The following PGAP1 variants were observed in gnomAD, a reference collection of about 807,000 sequenced individuals.
The protein encoded by PGAP1 is post-GPI attachment to proteins inositol deacylase 1, also known as GPI inositol-deacylase.
In PGAP1, 76 loss-of-function variants were observed where a neutral mutation model predicts 127.0. That is an observed-to-expected ratio of 0.60 (90% confidence interval 0.50 to 0.72). PGAP1 has a LOEUF of 0.72. PGAP1 is among the 30% of genes least tolerant of loss of function. PGAP1 has a pLI of 0.00. For synonymous variants in PGAP1, 362 were observed against 366.5 expected (o/e 0.99, Z 0.14); for missense variants, 982 against 1,071.3 (o/e 0.92, Z 1.16).
chr2:196,921,217 A>G (rs954718459), intron 1 of PGAP1, among the ~76,000 whole-genome samples: 3 of 148,600 alleles, frequency 2.0e-5, no homozygotes, highest in Non-Finnish European at 4.4e-5. Flanking sequence ...CACACACAAA[A>G]CAACAAAATT....
At chr2:196,851,527 T>C (rs764516579) in intron 20 of PGAP1, among the ~76,000 whole-genome samples, 1 of 152,340 alleles carries the variant, frequency 6.6e-6, no homozygotes, top group African/African-American at 2.4e-5. Flanking sequence ...CCTGTTCCAA[T>C]ACCCTATTCC....
chr2:196,923,680 T>C (rs74386909), intron 1 of PGAP1, among the ~76,000 whole-genome samples: 7 of 151,574 alleles, frequency 4.6e-5, no homozygotes, highest in Non-Finnish European at 8.8e-5. Context: ...TTTTTTTTTT[T>C]GAGACAGAGT....
At position 196,843,919 on chromosome 2, in the gene PGAP1, G is replaced by A. The variant is rs772702385; in HGVS notation, c.2494C>T (p.Pro832Ser). ...TTCTTTAGCCAATAAATTAGAGAAG[G>A]CATGCTGAGTAATACAATCCATGTT... is the stretch of plus-strand genomic sequence containing the variant. ...LLTWIVLLSM[P>S]SLIYWLKNLR... is the part of the protein sequence containing the mutation. The change falls in exon 25 of 27, where the codon CCT becomes TCT. Residue 832 changes from proline to serine, a missense_variant. By Grantham distance (74) the Pro-to-Ser change is moderately conservative. Coordinates refer to ENST00000354764, the MANE Select transcript of PGAP1 (RefSeq NM_024989.4). 7 of 1,538,190 alleles carry A rather than the reference G, an allele frequency of 4.6e-6. No individual in the cohort carries two copies. Among genetic ancestry groups the A allele is most frequent in the Non-Finnish European group, 6.2e-6 (7 of 1,135,014 alleles).
Position 196,844,515 on chromosome 2 carries a change from A to T in PGAP1, c.2337+9T>A. The T allele has an allele frequency of 6.3e-7, 1 of 1,582,718 alleles. No homozygotes were observed. On this transcript the variant is annotated intron_variant, in intron 24 of 26. Coordinates refer to ENST00000354764, the MANE Select transcript of PGAP1 (RefSeq NM_024989.4). ...TAAATTTATGTAGAGTTTTGAAAAT[A>T]AAACTTACCACAGGCTGGCTATTCT...
At chr2:196,915,228 A>C (rs555257088) in intron 3 of PGAP1, among the ~76,000 whole-genome samples, 39 of 152,164 alleles carry the variant, frequency 2.6e-4, no homozygotes, top group Admixed American at 5.2e-4. Context: ...CTCATTTCTT[A>C]AAACTTAGGT....
intron 25 of PGAP1, among the ~76,000 whole-genome samples, chr2:196,843,377 C>T (rs2125775620): frequency 6.6e-6 from 1 of 152,124 alleles, no homozygotes; most frequent in South Asian, 2.1e-4. Flanking sequence ...AATCTAGCAA[C>T]CTTTGATTTA....
At position 196,897,148 on chromosome 2, in the gene PGAP1, C is replaced by A. The variant is rs1702306818; in HGVS notation, c.910G>T (p.Asp304Tyr). Residue 304 changes from aspartate (D) to tyrosine (Y), a missense_variant, in exon 7 of 27, where the codon GAT becomes TAT. Asp to Tyr is a radical substitution (Grantham distance 160, BLOSUM62 -3). Coordinates refer to ENST00000354764, the MANE Select transcript of PGAP1 (RefSeq NM_024989.4). ...TTVRAFFDLI[D>Y]ADTKQITQNS... ...ATACATACTTGTTTAGTATCAGCAT[C>A]AATAAGATCAAAGAATGCTCGAACT... is the stretch of plus-strand genomic sequence containing the variant. 1 of 1,573,604 alleles carries A rather than the reference C, an allele frequency of 6.4e-7. No homozygotes were observed. The highest frequency in any genetic ancestry group is 8.7e-7 in the Non-Finnish European group (1 of 1,153,266).
chr2:196,926,422 G>A, intron 1 of PGAP1, 48 bp downstream of exon 1: 6 of 1,609,712 alleles, frequency 3.7e-6, no homozygotes, highest in Non-Finnish European at 4.2e-6. Flanking sequence ...AAAGGCACCA[G>A]GGGCCAGAGT....
At chr2:196,847,260 T>C in intron 21 of PGAP1, 60 bp from the exon 22 acceptor site, 2 of 1,283,538 alleles carry the variant, frequency 1.6e-6, no homozygotes, top group Non-Finnish European at 2.2e-6. Flanking sequence ...AAGGACTTAA[T>C]ATTTGAGGTG....
chr2:196,904,469 G>A (rs770507693), intron 4 of PGAP1, among the ~76,000 whole-genome samples: 11 of 152,176 alleles, frequency 7.2e-5, no homozygotes, highest in Non-Finnish European at 1.3e-4. Context: ...TGGGCGCAGT[G>A]GCTCCCTCCT....
intron 3 of PGAP1, among the ~76,000 whole-genome samples, chr2:196,914,813 C>CTTT (rs772109065): frequency 1.4e-5 from 2 of 138,160 alleles, no homozygotes; most frequent in Non-Finnish European, 1.6e-5. Context: ...ATTCTTAATT[C>CTTT]TTTTTTTTTT....
chr2:196,848,202 A>T (rs1335175812), intron 20 of PGAP1, among the ~76,000 whole-genome samples, 165 bp from the exon 21 acceptor site: 3 of 152,008 alleles, frequency 2.0e-5, no homozygotes, highest in Non-Finnish European at 4.4e-5. Flanking sequence ...CTGTAATTCA[A>T]TGGTTCTTAT....
At position 196,835,847 on chromosome 2, in the gene PGAP1, T is replaced by C. The variant is rs1480526143; in HGVS notation, c.*5387A>G. 6 of 152,234 alleles carry C rather than the reference T, an allele frequency of 3.9e-5. No homozygotes were observed. The highest frequency in any genetic ancestry group is 3.9e-4 in the Admixed American group (6 of 15,252). 9.4% of individuals were successfully genotyped at this position (152,234 alleles called of 1,614,324 possible). On this transcript the variant is annotated 3_prime_UTR_variant, in exon 27 of 27. Transcript: ENST00000354764. ...TAAAAAAGGGATGTAAAAAGTCCAA[T>C]ATGAAACAGAACGAGTGCAACACGA...
intron 5 of PGAP1, among the ~76,000 whole-genome samples, chr2:196,899,570 T>G (rs535646128): frequency 6.6e-6 from 1 of 152,376 alleles, no homozygotes; most frequent in African/African-American, 2.4e-5. Flanking sequence ...TGGTTTACTT[T>G]CATTCAGTTT....
At chr2:196,889,638 C>T (rs369195174) in intron 10 of PGAP1, among the ~76,000 whole-genome samples, 7 of 151,692 alleles carry the variant, frequency 4.6e-5, no homozygotes, top group African/African-American at 4.8e-5. Context: ...GGGCGGATCA[C>T]GAGGTCAGGA....
chr2:196,863,521 G>A (rs563547711), intron 20 of PGAP1, among the ~76,000 whole-genome samples: 4 of 152,310 alleles, frequency 2.6e-5, no homozygotes, highest in African/African-American at 9.6e-5. Context: ...TTGAAAAGTT[G>A]ATCTCATGGA....
chr2:196,862,024 G>A (rs538517788), intron 20 of PGAP1, among the ~76,000 whole-genome samples: 28 of 151,576 alleles, frequency 1.8e-4, no homozygotes, highest in African/African-American at 6.8e-4. Context: ...TGGGCACCTT[G>A]AAAAAAGAAC....
In PGAP1 at chr2:196,840,936, T is replaced by C. The variant is rs1700394074; in HGVS notation, c.*298A>G. ...TAAATCTCTCATATCAGACTTCTCG[T>C]ACAGTTGATAAAACAGACTATTTTA... is the stretch of plus-strand genomic sequence containing the variant. On this transcript the variant is annotated 3_prime_UTR_variant, in exon 27 of 27. Coordinates refer to ENST00000354764, the MANE Select transcript of PGAP1 (RefSeq NM_024989.4). The C allele has an allele frequency of 4.3e-6, 1 of 234,362 alleles. No individual in the cohort carries two copies. Among genetic ancestry groups the C allele is most frequent in the African/African-American group, 2.2e-5 (1 of 44,578 alleles). 14.5% of individuals were successfully genotyped at this position (234,362 alleles called of 1,614,324 possible). A position where few individuals can be genotyped will look rare whatever the true frequency, so the allele number is the denominator to read the frequency against.
intron 12 of PGAP1, among the ~76,000 whole-genome samples, chr2:196,883,226 T>C (rs1478682383): frequency 1.3e-5 from 2 of 152,188 alleles, no homozygotes; most frequent in African/African-American, 2.4e-5. Context: ...GTTCTAACAA[T>C]ATGTTTGCAC....
Sources: gnomAD v4.1 joint callset for allele counts (sites outside exome capture counted in the v4.1 genomes callset) on GRCh38, gnomAD v4.1.1 for gene constraint, MANE v1.5 for transcripts, NCBI Gene and HGNC (gene_info 2026-07-23, HGNC 2026-07-21) for gene names.